Variants in ATXN7L1 observed in about 807,000 individuals in gnomAD.
ATXN7L1 encodes the protein ataxin 7 like 1, also known as ataxin-7-like protein 1.
Under a neutral mutation model 70.8 loss-of-function variants are expected in ATXN7L1, and 15 were observed. The ratio of observed to expected loss-of-function variants is 0.21; its 90% CI spans 0.14 to 0.33. ATXN7L1 has a LOEUF of 0.33. ATXN7L1 is among the 10% of genes least tolerant of loss of function. The pLI is 1.00. For missense variants in ATXN7L1, 975 were observed against 1,097.1 expected (o/e 0.89, Z 1.57); for synonymous variants, 440 against 445.1 (o/e 0.99, Z 0.14).
intron 3 of ATXN7L1, among the ~76,000 whole-genome samples, chr7:105,762,959 T>C (rs1800741485): frequency 6.6e-6 from 1 of 152,162 alleles, no homozygotes; most frequent in African/African-American, 2.4e-5. Context: ...CCAACAGCCA[T>C]GTGAGGGAGT....
At chr7:105,635,338 T>C (rs1797199324) in intron 7 of ATXN7L1, among the ~76,000 whole-genome samples, 1 of 152,188 alleles carries the variant, frequency 6.6e-6, no homozygotes, top group Non-Finnish European at 1.5e-5. Context: ...AGTGTGTTAT[T>C]CCAGGCCCCT....
At chr7:105,711,789 G>A (rs1027909484) in intron 3 of ATXN7L1, among the ~76,000 whole-genome samples, 1 of 152,230 alleles carries the variant, frequency 6.6e-6, no homozygotes, top group African/African-American at 2.4e-5. Flanking sequence ...CTGGGGTGGG[G>A]AACAGTGGCC....
intron 4 of ATXN7L1, among the ~76,000 whole-genome samples, chr7:105,652,384 G>A (rs1799981019): frequency 6.6e-6 from 1 of 152,228 alleles, no homozygotes; most frequent in African/African-American, 2.4e-5. Flanking sequence ...TGGGAGGGCA[G>A]GAATTGAGAA....
intron 5 of ATXN7L1, 43 bp downstream of exon 5, chr7:105,642,795 T>G (rs1333957457): frequency 1.3e-6 from 2 of 1,515,670 alleles, no homozygotes; most frequent in African/African-American, 2.8e-5. Context: ...CGACTCCCTT[T>G]CAGTCTAATC....
At chr7:105,639,454 A>C (rs1229046413) in intron 6 of ATXN7L1, 33 bp downstream of exon 6, 14 of 1,511,214 alleles carry the variant, frequency 9.3e-6, no homozygotes, top group Non-Finnish European at 1.3e-5. Flanking sequence ...CCCCAGCGAG[A>C]GCAGGAAGTA....
chr7:105,675,388 C>T (rs180767323), intron 3 of ATXN7L1, among the ~76,000 whole-genome samples: 2 of 152,146 alleles, frequency 1.3e-5, no homozygotes, highest in African/African-American at 4.8e-5. Context: ...TTTGGGAGGC[C>T]GAGGTGGGTG....
chr7:105,747,999 A>T (rs1798766821), intron 3 of ATXN7L1, among the ~76,000 whole-genome samples: 2 of 151,996 alleles, frequency 1.3e-5, no homozygotes, highest in Admixed American at 1.3e-4. Context: ...CATGCCTGTA[A>T]TCCCAGCTAC....
chr7:105,851,836 A>T (rs776459127), intron 2 of ATXN7L1, among the ~76,000 whole-genome samples: 7 of 152,230 alleles, frequency 4.6e-5, no homozygotes, highest in Non-Finnish European at 1.0e-4. Flanking sequence ...GCAATTCTTC[A>T]TGCAACAGGA....
chr7:105,733,657 T>C lies in ATXN7L1; in HGVS notation c.355+54947A>G, dbSNP rs71540970. Among the ~76,000 whole-genome samples, 141 of 84,580 alleles carry C rather than the reference T, an allele frequency of 1.7e-3. 3 individuals are homozygous for C. Among genetic ancestry groups the C allele is most frequent in the African/African-American group, 2.9e-3 (63 of 21,616 alleles). The allele number at this position is 84,580 out of a possible 152,430, so 55.5% of individuals were successfully genotyped here. Reference sequence around the variant, plus strand: ...ACCCATCCATCCATCCATCCATCCATCCATCCATCCATCCATCCATCCACC... The same window carrying C: ...ACCCATCCATCCATCCATCCATCCACCCATCCATCCATCCATCCATCCACC... On this transcript the variant is annotated intron_variant, in intron 3 of 11. Transcript: ENST00000419735.
intron 3 of ATXN7L1, among the ~76,000 whole-genome samples, chr7:105,757,321 C>T (rs1248840516): frequency 2.6e-5 from 4 of 152,168 alleles, no homozygotes; most frequent in African/African-American, 9.7e-5. Context: ...GCAAATTTCA[C>T]AGGCAGACTG....
At chr7:105,674,086 C>G (rs987089926) in intron 3 of ATXN7L1, among the ~76,000 whole-genome samples, 1 of 152,238 alleles carries the variant, frequency 6.6e-6, no homozygotes, top group African/African-American at 2.4e-5. Context: ...GATGGCAGGG[C>G]TGAGGAGCCG....
chr7:105,612,608 A>G (rs1793255139), intron 10 of ATXN7L1, among the ~76,000 whole-genome samples: 1 of 152,128 alleles, frequency 6.6e-6, no homozygotes, highest in African/African-American at 2.4e-5. Flanking sequence ...TGTGGGTGCC[A>G]GCCCCCCTCC....
chr7:105,846,494 T>G (rs1814065874), intron 2 of ATXN7L1, among the ~76,000 whole-genome samples: 1 of 152,174 alleles, frequency 6.6e-6, no homozygotes, highest in South Asian at 2.1e-4. Flanking sequence ...ATAGAGAAAT[T>G]AGAACCCTCA....
intron 3 of ATXN7L1, among the ~76,000 whole-genome samples, chr7:105,779,987 C>T (rs139377371): frequency 9.8e-5 from 15 of 152,288 alleles, no homozygotes; most frequent in East Asian, 3.9e-4. Flanking sequence ...CCAAGCCCCA[C>T]GCAATGGCAA....
Position 105,614,372 on chromosome 7 carries a change from G to T in ATXN7L1, c.1962C>A (p.Ser654=). 1 of 1,552,262 alleles carries T rather than the reference G, an allele frequency of 6.4e-7. No homozygotes were observed. The change falls in exon 10 of 12, where the codon TCC becomes TCA. Residue 654 remains serine (S), a synonymous_variant. Transcript: ENST00000419735. The surrounding 1 kb of genome is among the most constrained non-coding windows in gnomAD (Gnocchi z 4.3). ...GCAAGGAAGAGGAGGAGGAGGAGGA[G>T]GAGGAGGAAGTCGAAGACTGTGGCT... ...KRKPQSSTSS[S]SSSSSSSLQT...
At chr7:105,679,815 C>T (rs1182397745) in intron 3 of ATXN7L1, among the ~76,000 whole-genome samples, 1 of 151,964 alleles carries the variant, frequency 6.6e-6, no homozygotes, top group Non-Finnish European at 1.5e-5. Context: ...TTAATGGGCA[C>T]AGGGTCTTCT....
At chr7:105,616,534 T>A (rs999815478) in intron 9 of ATXN7L1, among the ~76,000 whole-genome samples, 10 of 152,292 alleles carry the variant, frequency 6.6e-5, no homozygotes, top group South Asian at 4.1e-4. Context: ...CTCTCAAGCC[T>A]AAAGAAGGTA....
intron 2 of ATXN7L1, among the ~76,000 whole-genome samples, chr7:105,813,327 A>G (rs1414549536): frequency 1.4e-5 from 2 of 148,090 alleles, no homozygotes; most frequent in African/African-American, 5.0e-5. Context: ...TAGTATTCAC[A>G]ATCTACAATT....
chr7:105,874,717 G>T (rs1818763843), intron 2 of ATXN7L1, among the ~76,000 whole-genome samples: 1 of 152,192 alleles, frequency 6.6e-6, no homozygotes, highest in Non-Finnish European at 1.5e-5. Context: ...AAATGATTGG[G>T]CACAGAAAAC....
Sources: gnomAD v4.1 joint callset for allele counts (sites outside exome capture counted in the v4.1 genomes callset) on GRCh38, gnomAD v4.1.1 for gene constraint, Gnocchi (gnomAD v3.1) non-coding constraint, MANE v1.5 for transcripts, NCBI Gene and HGNC (gene_info 2026-07-23, HGNC 2026-07-21) for gene names.